ALDH1A3: variants seen among roughly 807,000 people sequenced by gnomAD.
ALDH1A3 encodes retinaldehyde dehydrogenase 3.
In ALDH1A3, 28 loss-of-function variants were observed where a neutral mutation model predicts 57.5. That is an observed-to-expected ratio of 0.49 (90% CI 0.36 to 0.67). The LOEUF is 0.67. Among genes scored for constraint, ALDH1A3 ranks in the 30% least tolerant of loss-of-function variants. ALDH1A3 has a pLI of 0.00. For missense variants in ALDH1A3, 507 were observed against 669.4 expected (o/e 0.76, Z 2.68); for synonymous variants, 281 against 264.8 (o/e 1.06, Z -0.59).
In ALDH1A3 at chr15:100,879,871, G is replaced by C. The variant is rs1228453958; in HGVS notation, c.-37G>C. On this transcript the variant is annotated 5_prime_UTR_variant, in exon 1 of 13. Transcript: ENST00000329841. The stretch of plus-strand genomic sequence containing the variant: ...GTCCGGGCCGAGCCGGTGCGCCGCA[G>C]ACTAGGGCGCCTCGGGCCAGGGAGC... The C allele has an allele frequency of 3.0e-6, 4 of 1,345,364 alleles. No individual in the cohort carries two copies. In the East Asian group the frequency reaches 1.3e-4, roughly 42 times the overall value. 83.3% of individuals were successfully genotyped at this position (1,345,364 alleles called of 1,614,324 possible). A position where few individuals can be genotyped will look rare whatever the true frequency, so the allele number is the denominator to read the frequency against.
At position 100,914,950 on chromosome 15, in the gene ALDH1A3, T is replaced by G. The variant is rs1272104735; in HGVS notation, c.*177T>G. The G allele has an allele frequency of 3.2e-5, 20 of 631,550 alleles. No individual in the cohort carries two copies. The East Asian group carries it at 5.6e-4, about 18-fold the overall frequency. 39.1% of individuals were successfully genotyped at this position (631,550 alleles called of 1,614,324 possible). A position where few individuals can be genotyped will look rare whatever the true frequency, so the allele number is the denominator to read the frequency against. On this transcript the variant is annotated 3_prime_UTR_variant, in exon 13 of 13. Coordinates refer to ENST00000329841, the MANE Select transcript of ALDH1A3 (RefSeq NM_000693.4). Reference sequence around the variant, plus strand: ...TCACTCTCCTGTTTATTCACCAGACTGGGGATGCCTATAGGTTGTCTGTGA... The same window carrying G: ...TCACTCTCCTGTTTATTCACCAGACGGGGGATGCCTATAGGTTGTCTGTGA...
rs780514656 is a variant in ALDH1A3, at chr15:100,887,633, G to A, written c.266G>A (p.Arg89His). The change falls in exon 3 of 13, where the codon CGC becomes CAC. Residue 89 changes from arginine (R) to histidine (H), a missense_variant. Transcript: ENST00000329841. The surrounding 1 kb of genome is among the most constrained non-coding windows in gnomAD (Gnocchi z 4.6). ...QVAFQRGSPW[R>H]RLDALSRGRL... The stretch of plus-strand genomic sequence containing the variant: ...GCCTTCCAGAGGGGCTCGCCATGGC[G>A]CCGGCTGGATGCCCTGAGTCGTGGG... The A allele has an allele frequency of 6.8e-6, 11 of 1,611,866 alleles. No homozygotes were observed. The highest frequency in any genetic ancestry group is 2.2e-5 in the East Asian group (1 of 44,722).
chr15:100,886,731 A>G (rs2041597853), intron 2 of ALDH1A3, among the ~76,000 whole-genome samples: 1 of 152,218 alleles, frequency 6.6e-6, no homozygotes. Flanking sequence ...TCCTTTTAGA[A>G]AGAAGGTTCC....
At position 100,889,995 on chromosome 15, in the gene ALDH1A3, G is replaced by A. The variant is rs1020943629; in HGVS notation, c.345+2283G>A. Among the ~76,000 whole-genome samples, 2 of 152,190 alleles carry A rather than the reference G, an allele frequency of 1.3e-5. No individual in the cohort carries two copies. Among genetic ancestry groups the A allele is most frequent in the African/African-American group, 4.8e-5 (2 of 41,438 alleles). On this transcript the variant is annotated intron_variant, in intron 3 of 12. Transcript: ENST00000329841. The surrounding 1 kb of genome is among the most constrained non-coding windows in gnomAD (Gnocchi z 5.1). ...CCGGCTCAGTGGTTTGACAGAGCTG[G>A]GTGTTTATTTCTGTGCTCAGTGTCT...
intron 9 of ALDH1A3, among the ~76,000 whole-genome samples, chr15:100,901,598 A>T (rs2041769473): frequency 6.6e-6 from 1 of 152,208 alleles, no homozygotes; most frequent in Admixed American, 6.5e-5. Context: ...GTTTTATGAA[A>T]GTCACAAAAA....
intron 11 of ALDH1A3, among the ~76,000 whole-genome samples, 161 bp downstream of exon 11, chr15:100,907,439 C>G (rs1389553733): frequency 2.0e-5 from 3 of 152,212 alleles, no homozygotes; most frequent in Non-Finnish European, 4.4e-5. Flanking sequence ...TCTGAGGTAG[C>G]TGCCATTATG....
intron 1 of ALDH1A3, chr15:100,880,244 C>G (rs2041533155): frequency 2.6e-6 from 1 of 391,174 alleles, no homozygotes; most frequent in Non-Finnish European, 4.5e-6. Flanking sequence ...CCGAGGCCGT[C>G]CAGCGCCCGC....
chr15:100,893,926 C>T lies in ALDH1A3; in HGVS notation c.538-28C>T. Reference sequence around the variant, plus strand: ...GACAGGGTAAGAGGGTGGATCTGGGCCTCCAAAGCCCCTGTGCTCTGTCGC... The same window carrying T: ...GACAGGGTAAGAGGGTGGATCTGGGTCTCCAAAGCCCCTGTGCTCTGTCGC... On this transcript the variant is annotated intron_variant, in intron 5 of 12. Coordinates refer to ENST00000329841, the MANE Select transcript of ALDH1A3 (RefSeq NM_000693.4). The surrounding 1 kb of genome is among the most constrained non-coding windows in gnomAD (Gnocchi z 4.8). The T allele has an allele frequency of 1.2e-6, 2 of 1,610,440 alleles. No homozygotes were observed. Among genetic ancestry groups the T allele is most frequent in the Non-Finnish European group, 1.7e-6 (2 of 1,178,376 alleles).
chr15:100,904,162 T>C (rs1014637764), intron 9 of ALDH1A3, among the ~76,000 whole-genome samples: 1 of 152,244 alleles, frequency 6.6e-6, no homozygotes, highest in African/African-American at 2.4e-5. Context: ...GTGTGAGGTA[T>C]GGATCTGAGT....
In ALDH1A3 at chr15:100,891,607, C is replaced by T. The variant is rs948036303; in HGVS notation, c.346-903C>T. ...TCAAAGGGTGAGACATCGGGGAGTG[C>T]GCTGGGGTTAAAGCCCTGGATCTGA... is the stretch of plus-strand genomic sequence containing the variant. On this transcript the variant is annotated intron_variant, in intron 3 of 12. Coordinates refer to ENST00000329841, the MANE Select transcript of ALDH1A3 (RefSeq NM_000693.4). Among the ~76,000 whole-genome samples the T allele has an allele frequency of 8.5e-5, 13 of 152,232 alleles. No homozygotes were observed. The East Asian group carries it at 9.6e-4, about 11-fold the overall frequency.
intron 11 of ALDH1A3, 46 bp from the exon 12 acceptor site, chr15:100,908,362 G>C (rs757961323): frequency 1.3e-6 from 2 of 1,544,648 alleles, no homozygotes; most frequent in Non-Finnish European, 1.8e-6. Flanking sequence ...CAGGAGCCAG[G>C]GGGTCTTCTC....
chr15:100,894,562 C>G lies in ALDH1A3; in HGVS notation c.666+480C>G, dbSNP rs2041681185. On this transcript the variant is annotated intron_variant, in intron 6 of 12. Transcript: ENST00000329841. The surrounding 1 kb of genome is among the most constrained non-coding windows in gnomAD (Gnocchi z 4.5). ...TGCAATCTCTTCTCCCTCAGGCAGC[C>G]AGAACTTAGGGAAACAGAGGCTCAA... 6.4e-6 allele frequency: 1 copy of G among 156,660 alleles called. No homozygotes were observed. Among genetic ancestry groups the G allele is most frequent in the African/African-American group, 2.4e-5 (1 of 41,484 alleles). The allele number at this position is 156,660 out of a possible 1,614,324, so 9.7% of individuals were successfully genotyped here.
In ALDH1A3 at chr15:100,887,566, G is replaced by A. The variant is rs760715132; in HGVS notation, c.205-6G>A. Reference sequence around the variant, plus strand: ...ACAGTCTCTCTCTGTTGTTCTGGTCGCTCAGCCCGACGTGGACAAGGCTGT... The same window carrying A: ...ACAGTCTCTCTCTGTTGTTCTGGTCACTCAGCCCGACGTGGACAAGGCTGT... On this transcript the variant is annotated splice_region_variant and splice_polypyrimidine_tract_variant and intron_variant, in intron 2 of 12. Transcript: ENST00000329841. This position sits in a 1 kb window ranked among gnomAD's most constrained non-coding sequence, Gnocchi z 4.6. 1.4e-5 allele frequency: 22 copies of A among 1,575,648 alleles called. No homozygotes were observed. Among genetic ancestry groups the A allele is most frequent in the East Asian group, 4.7e-5 (2 of 42,984 alleles).
At chr15:100,912,380 T>G (rs532723169) in intron 12 of ALDH1A3, among the ~76,000 whole-genome samples, 1 of 152,316 alleles carries the variant, frequency 6.6e-6, no homozygotes, top group South Asian at 2.1e-4. Flanking sequence ...GATTTTTCCA[T>G]TTGGGTATTT....
chr15:100,907,279 G>A lies in ALDH1A3; in HGVS notation c.1391+1G>A. On this transcript the variant is annotated splice_donor_variant, in intron 11 of 12. Coordinates refer to ENST00000329841, the MANE Select transcript of ALDH1A3 (RefSeq NM_000693.4). LOFTEE classifies it high-confidence loss of function. The stretch of plus-strand genomic sequence containing the variant: ...CTGCCTTAGAGTCTGGAACGGTCTG[G>A]TGAGTTGACTGTGTGTGTATTTCAG... 6.2e-7 allele frequency: 1 copy of A among 1,613,406 alleles called. No individual in the cohort carries two copies. The highest frequency in any genetic ancestry group is 8.5e-7 in the Non-Finnish European group (1 of 1,179,786).
chr15:100,885,110 C>G (rs1393231188), intron 1 of ALDH1A3, among the ~76,000 whole-genome samples, 157 bp from the exon 2 acceptor site: 1 of 152,132 alleles, frequency 6.6e-6, no homozygotes, highest in Non-Finnish European at 1.5e-5. Context: ...GGACTCTGTT[C>G]CCCTCCGGGT....
At chr15:100,898,323 C>A (rs960969716) in intron 8 of ALDH1A3, 138 bp downstream of exon 8, 51 of 673,336 alleles carry the variant, frequency 7.6e-5, no homozygotes, top group African/African-American at 7.4e-4. Context: ...CGTGGGCATC[C>A]TGCCCACAGT....
chr15:100,897,244 T>C (rs2041714164), intron 7 of ALDH1A3, among the ~76,000 whole-genome samples: 1 of 152,224 alleles, frequency 6.6e-6, no homozygotes, highest in Admixed American at 6.5e-5. Flanking sequence ...CACCTTAGCA[T>C]TGGAGAAAAC....
chr15:100,909,009 T>G (rs1044243712), intron 12 of ALDH1A3, among the ~76,000 whole-genome samples: 32 of 151,410 alleles, frequency 2.1e-4, no homozygotes, highest in African/African-American at 7.8e-4. Flanking sequence ...TGCAAATCCC[T>G]CCACATGCGT....
Sources: gnomAD v4.1 joint callset for allele counts (sites outside exome capture counted in the v4.1 genomes callset) on GRCh38, gnomAD v4.1.1 for gene constraint, Gnocchi (gnomAD v3.1) non-coding constraint, MANE v1.5 for transcripts, NCBI Gene and HGNC (gene_info 2026-07-23, HGNC 2026-07-21) for gene names.